The following MLLT3 variants were observed in gnomAD, a reference collection of about 807,000 sequenced individuals.
MLLT3 encodes the protein MLLT3 super elongation complex subunit.
A neutral mutation model predicts 53.2 loss-of-function variants in MLLT3; 4 were observed. That is an observed-to-expected ratio of 0.08 (90% CI 0.04 to 0.17). The LOEUF is 0.17. Ranked by LOEUF, MLLT3 falls within the 10% of genes least tolerant of loss-of-function variation. The pLI, the probability that MLLT3 is intolerant of heterozygous loss-of-function variation, is 1.00. For synonymous variants in MLLT3, 283 were observed against 230.6 expected (o/e 1.23, Z -2.06); for missense variants, 569 against 684.0 (o/e 0.83, Z 1.87).
At chr9:20,518,593 T>C (rs1159946991) in intron 2 of MLLT3, among the ~76,000 whole-genome samples, 1 of 152,040 alleles carries the variant, frequency 6.6e-6, no homozygotes, top group Non-Finnish European at 1.5e-5. Context: ...TAAAATAAAA[T>C]TTTATAGTGA....
chr9:20,578,370 G>A (rs1819708440), intron 2 of MLLT3, among the ~76,000 whole-genome samples: 1 of 151,956 alleles, frequency 6.6e-6, no homozygotes, highest in Non-Finnish European at 1.5e-5. Flanking sequence ...ACTAATCCAG[G>A]GCTCAGTTTC....
chr9:20,448,357 A>G lies in MLLT3; in HGVS notation c.277-91T>C. 1 of 1,244,714 alleles carries G rather than the reference A, an allele frequency of 8.0e-7. No homozygotes were observed. The highest frequency in any genetic ancestry group is 1.1e-6 in the Non-Finnish European group (1 of 883,486). The allele number at this position is 1,244,714 out of a possible 1,614,324, so 77.1% of individuals were successfully genotyped here. On this transcript the variant is annotated intron_variant, in intron 3 of 10. Coordinates refer to ENST00000380338, the MANE Select transcript of MLLT3 (RefSeq NM_004529.4). The surrounding 1 kb of genome is among the most constrained non-coding windows in gnomAD (Gnocchi z 4.0). Reference sequence around the variant, plus strand: ...AAATTTACTCCTCATAAGAAATAGAAAAGAACTAAGACATCTAACAGCTAA... The same window carrying G: ...AAATTTACTCCTCATAAGAAATAGAGAAGAACTAAGACATCTAACAGCTAA...
chr9:20,421,961 T>C (rs1030392262), intron 4 of MLLT3, among the ~76,000 whole-genome samples: 7 of 152,144 alleles, frequency 4.6e-5, no homozygotes, highest in Non-Finnish European at 1.0e-4. Flanking sequence ...ATTAATGTTA[T>C]AATAAAATTA....
intron 5 of MLLT3, among the ~76,000 whole-genome samples, chr9:20,385,778 C>G (rs567201625): frequency 6.6e-6 from 1 of 152,258 alleles, no homozygotes; most frequent in Non-Finnish European, 1.5e-5. Context: ...AAGTTACCTA[C>G]AAGAGTCTCA....
intron 3 of MLLT3, among the ~76,000 whole-genome samples, chr9:20,452,000 C>A (rs938901450): frequency 6.6e-6 from 1 of 152,116 alleles, no homozygotes; most frequent in Non-Finnish European, 1.5e-5. Context: ...TTGACCCTGA[C>A]AGCTCAAATA....
At chr9:20,474,101 T>A (rs1415779462) in intron 2 of MLLT3, among the ~76,000 whole-genome samples, 1 of 151,870 alleles carries the variant, frequency 6.6e-6, no homozygotes, top group African/African-American at 2.4e-5. Flanking sequence ...CGGCTGGGAG[T>A]GTCTTTTTCG....
intron 2 of MLLT3, among the ~76,000 whole-genome samples, chr9:20,557,919 G>A (rs1459029090): frequency 1.3e-5 from 2 of 152,088 alleles, no homozygotes; most frequent in Non-Finnish European, 2.9e-5. Flanking sequence ...ACAATACATG[G>A]AAAATAATTA....
In MLLT3 at chr9:20,483,117, C is replaced by T. The variant is rs1469216165; in HGVS notation, c.194-26331G>A. 2.0e-5 allele frequency among the ~76,000 whole-genome samples: 3 copies of T among 152,154 alleles called. No individual in the cohort carries two copies. The East Asian group carries it at 5.8e-4, about 29-fold the overall frequency. On this transcript the variant is annotated intron_variant, in intron 2 of 10. Transcript: ENST00000380338. ...ACTAGAGGCCAACTGTGAATCATTT[C>T]AGACTCTTAAAAGCTAACTAGAAAT...
chr9:20,612,212 A>G (rs946642058), intron 2 of MLLT3, among the ~76,000 whole-genome samples: 1 of 152,188 alleles, frequency 6.6e-6, no homozygotes, highest in Non-Finnish European at 1.5e-5. Flanking sequence ...TTGTGTCTAC[A>G]TGCAAGATTG....
At chr9:20,350,062 C>T (rs1440324890) in intron 10 of MLLT3, among the ~76,000 whole-genome samples, 1 of 152,176 alleles carries the variant, frequency 6.6e-6, no homozygotes, top group Non-Finnish European at 1.5e-5. Context: ...CATTGCTTTC[C>T]AGGAATCCTG....
At chr9:20,483,723 T>TC (rs1563780402) in intron 2 of MLLT3, among the ~76,000 whole-genome samples, 8 of 78,680 alleles carry the variant, frequency 1.0e-4, no homozygotes, top group Admixed American at 1.6e-4. Flanking sequence ...TTTTTTTTTT[T>TC]CCGAGATGGA....
intron 4 of MLLT3, among the ~76,000 whole-genome samples, chr9:20,428,370 T>C (rs1244977955): frequency 6.6e-6 from 1 of 152,010 alleles, no homozygotes; most frequent in Non-Finnish European, 1.5e-5. Context: ...TAAGAAGACA[T>C]TATGGTAATA....
intron 2 of MLLT3, among the ~76,000 whole-genome samples, chr9:20,619,454 A>G (rs1310149293): frequency 6.6e-6 from 1 of 152,222 alleles, no homozygotes; most frequent in Admixed American, 6.5e-5. Context: ...TCCTTTCTTT[A>G]TTCAGCCCCC....
intron 2 of MLLT3, among the ~76,000 whole-genome samples, chr9:20,539,385 C>T (rs944569261): frequency 2.6e-5 from 4 of 152,134 alleles, no homozygotes; most frequent in African/African-American, 9.7e-5. Context: ...AAAGAACTAC[C>T]TGAGAATGGG....
chr9:20,487,822 G>C (rs1488216466), intron 2 of MLLT3, among the ~76,000 whole-genome samples: 1 of 152,136 alleles, frequency 6.6e-6, no homozygotes. Flanking sequence ...AAGATGGTAA[G>C]TAAAAGATCT....
chr9:20,621,766 A>C lies in MLLT3; in HGVS notation c.12+479T>G. On this transcript the variant is annotated intron_variant, in intron 1 of 10. Transcript: ENST00000380338. This position sits in a 1 kb window ranked among gnomAD's most constrained non-coding sequence, Gnocchi z 7.0. Reference sequence around the variant, plus strand: ...CGGCTCACACACGCGCGCCGCGGAGAACGCACCATCGTAGCGGCCGCGGCG... The same window carrying C: ...CGGCTCACACACGCGCGCCGCGGAGCACGCACCATCGTAGCGGCCGCGGCG... 6.7e-7 allele frequency: 1 copy of C among 1,487,338 alleles called. No individual in the cohort carries two copies. The highest frequency in any genetic ancestry group is 1.3e-5 in the South Asian group (1 of 79,154). 92.1% of individuals were successfully genotyped at this position (1,487,338 alleles called of 1,614,324 possible).
chr9:20,568,221 A>AGGAGGCTAGAT (rs1164118191), intron 2 of MLLT3, among the ~76,000 whole-genome samples: 1 of 152,168 alleles, frequency 6.6e-6, no homozygotes, highest in Non-Finnish European at 1.5e-5. Context: ...GAGGGAGGAA[A>AGGAGGCTAGAT]GGAGGCTTAG....
intron 5 of MLLT3, among the ~76,000 whole-genome samples, chr9:20,385,297 G>C (rs1021781903): frequency 1.3e-5 from 2 of 152,018 alleles, no homozygotes; most frequent in African/African-American, 4.8e-5. Flanking sequence ...TGAAAGAGAA[G>C]GGGCTACGGA....
chr9:20,556,321 A>C (rs1819056589), intron 2 of MLLT3, among the ~76,000 whole-genome samples: 2 of 152,180 alleles, frequency 1.3e-5, no homozygotes, highest in African/African-American at 4.8e-5. Context: ...ATATATTTTT[A>C]TTACATAAGT....
Sources: gnomAD v4.1 joint callset for allele counts (sites outside exome capture counted in the v4.1 genomes callset) on GRCh38, gnomAD v4.1.1 for gene constraint, Gnocchi (gnomAD v3.1) non-coding constraint, MANE v1.5 for transcripts, NCBI Gene and HGNC (gene_info 2026-07-23, HGNC 2026-07-21) for gene names.